GRIN2B: variants seen among roughly 807,000 people sequenced by gnomAD.
GRIN2B encodes the protein glutamate ionotropic receptor NMDA type subunit 2B, also known as glutamate receptor ionotropic, NMDA 2B.
Under a neutral mutation model 114.5 loss-of-function variants are expected in GRIN2B, and 5 were observed. That is an observed-to-expected ratio of 0.04 (90% CI 0.02 to 0.09). The LOEUF is 0.09. GRIN2B is among the 10% of genes least tolerant of loss of function. The pLI is 1.00. For missense variants in GRIN2B, 1,108 were observed against 1,943.5 expected (o/e 0.57, Z 8.08); for synonymous variants, 787 against 745.1 (o/e 1.06, Z -0.92).
intron 2 of GRIN2B, among the ~76,000 whole-genome samples, chr12:13,919,570 T>C (rs746195065): frequency 5.9e-5 from 9 of 152,102 alleles, no homozygotes; most frequent in Non-Finnish European, 7.4e-5. Context: ...CTTAATAATA[T>C]CTCTAAAAAT....
intron 10 of GRIN2B, among the ~76,000 whole-genome samples, chr12:13,580,105 G>A (rs1266510071): frequency 6.6e-6 from 1 of 152,228 alleles, no homozygotes; most frequent in African/African-American, 2.4e-5. Context: ...CCTAAATACT[G>A]ATGGTGTCAA....
chr12:13,605,513 C>A lies in GRIN2B; in HGVS notation c.2010+3090G>T, dbSNP rs149790803. Among the ~76,000 whole-genome samples the A allele has an allele frequency of 2.6e-3, 236 of 92,544 alleles. 4 individuals carry two copies. The highest frequency in any genetic ancestry group is 0.012 in the Middle Eastern group (2 of 168). 60.7% of individuals were successfully genotyped at this position (92,544 alleles called of 152,430 possible). A position where few individuals can be genotyped will look rare whatever the true frequency, so the allele number is the denominator to read the frequency against. On this transcript the variant is annotated intron_variant, in intron 10 of 13. Coordinates refer to ENST00000609686, the MANE Select transcript of GRIN2B (RefSeq NM_000834.5). ...CACAGTGGAAATTATTTGCAAAGGT[C>A]TTGAAAGTCTCTCTCTCTCTCTCTC...
chr12:13,573,868 A>T (rs985572139), intron 10 of GRIN2B, among the ~76,000 whole-genome samples: 1 of 152,184 alleles, frequency 6.6e-6, no homozygotes, highest in African/African-American at 2.4e-5. Context: ...TTAAAACTAG[A>T]GTCATGCCGT....
chr12:13,672,777 C>CT (rs1387676668), intron 5 of GRIN2B, among the ~76,000 whole-genome samples: 1 of 152,114 alleles, frequency 6.6e-6, no homozygotes, highest in Non-Finnish European at 1.5e-5. Context: ...CACAGAATTC[C>CT]TTTAAACAGC....
intron 3 of GRIN2B, among the ~76,000 whole-genome samples, chr12:13,780,165 C>A (rs182536772): frequency 1.6e-4 from 25 of 152,182 alleles, no homozygotes; most frequent in Admixed American, 1.6e-3. Flanking sequence ...CCTTTCCTGG[C>A]CTAGATGGAC....
chr12:13,677,240 A>G (rs991164171), intron 4 of GRIN2B, among the ~76,000 whole-genome samples: 2 of 152,180 alleles, frequency 1.3e-5, no homozygotes, highest in African/African-American at 2.4e-5. Context: ...GGTATCTTGT[A>G]ACTGCAGTGA....
chr12:13,757,866 C>T, intron 3 of GRIN2B, among the ~76,000 whole-genome samples: 1 of 152,074 alleles, frequency 6.6e-6, no homozygotes. Flanking sequence ...TTATTATCTG[C>T]CTCAGAAAAT....
intron 2 of GRIN2B, among the ~76,000 whole-genome samples, chr12:13,970,764 TCTC>T (rs1862898344): frequency 6.6e-6 from 1 of 151,170 alleles, no homozygotes; most frequent in Admixed American, 6.6e-5. Context: ...AGGGTAGCAT[TCTC>T]CTACTCAGGA....
chr12:13,657,411 G>A (rs1949876710), intron 5 of GRIN2B, among the ~76,000 whole-genome samples: 1 of 152,226 alleles, frequency 6.6e-6, no homozygotes, highest in African/African-American at 2.4e-5. Flanking sequence ...AGCACCAGGA[G>A]ACAGATTTGT....
chr12:13,654,106 C>T (rs887241053), intron 5 of GRIN2B, among the ~76,000 whole-genome samples: 1 of 152,240 alleles, frequency 6.6e-6, no homozygotes, highest in African/African-American at 2.4e-5. Flanking sequence ...CAGAGGAATG[C>T]TGTGCCAGGG....
intron 3 of GRIN2B, among the ~76,000 whole-genome samples, chr12:13,756,634 C>G (rs905916083): frequency 1.6e-4 from 25 of 152,168 alleles, no homozygotes; most frequent in African/African-American, 6.0e-4. Flanking sequence ...TTAAGATGTA[C>G]AAGCTTGGGA....
chr12:13,886,613 C>T (rs1162125210), intron 2 of GRIN2B, among the ~76,000 whole-genome samples: 1 of 152,068 alleles, frequency 6.6e-6, no homozygotes, highest in Non-Finnish European at 1.5e-5. Flanking sequence ...GAAGCAGAAC[C>T]GAGTTCCCGC....
intron 3 of GRIN2B, among the ~76,000 whole-genome samples, chr12:13,809,702 G>A (rs891600405): frequency 1.3e-5 from 2 of 152,146 alleles, no homozygotes; most frequent in African/African-American, 4.8e-5. Context: ...TTCCTCAAAG[G>A]CAGGAATAAG....
At chr12:13,769,699 C>T (rs776665853) in intron 3 of GRIN2B, among the ~76,000 whole-genome samples, 10 of 152,222 alleles carry the variant, frequency 6.6e-5, no homozygotes, top group Non-Finnish European at 7.3e-5. Context: ...AAAACCATAT[C>T]GCCTTCACAG....
At chr12:13,868,196 A>G (rs1865855870) in intron 2 of GRIN2B, among the ~76,000 whole-genome samples, 2 of 152,010 alleles carry the variant, frequency 1.3e-5, no homozygotes, top group African/African-American at 2.4e-5. Context: ...AAATAAGATG[A>G]GTAGCTCAGT....
rs1806201 is a variant in GRIN2B, at chr12:13,564,574, G to A, written c.2664C>T (p.Thr888=). 458,987 of 1,613,394 alleles carry A rather than the reference G, an allele frequency of 0.28. 69,306 individuals are homozygous for A. Among genetic ancestry groups the A allele is most frequent in the East Asian group, 0.5 (22,260 of 44,818 alleles). The change falls in exon 14 of 14, where the codon ACC becomes ACT. Residue 888 remains threonine (T), a synonymous_variant. Coordinates refer to ENST00000609686, the MANE Select transcript of GRIN2B (RefSeq NM_000834.5). The surrounding 1 kb of genome is among the most constrained non-coding windows in gnomAD (Gnocchi z 4.8). ...EERQSVMNSP[T]ATMNNTHSNI... is the part of the protein sequence containing the mutation. ...TGGAGTGTGTGTTGTTCATGGTTGC[G>A]GTGGGGGAGTTCATTACAGACTGGC...
At chr12:13,848,143 T>G (rs1239166706) in intron 3 of GRIN2B, among the ~76,000 whole-genome samples, 1 of 152,168 alleles carries the variant, frequency 6.6e-6, no homozygotes, top group Non-Finnish European at 1.5e-5. Flanking sequence ...AACGGTGGAA[T>G]CTGTGGCCAT....
chr12:13,692,354 T>C (rs1950221725), intron 4 of GRIN2B, among the ~76,000 whole-genome samples: 1 of 152,122 alleles, frequency 6.6e-6, no homozygotes, highest in Non-Finnish European at 1.5e-5. Flanking sequence ...AAGATGTCCC[T>C]AGAGAATATA....
chr12:13,952,607 T>A (rs1867507731), intron 2 of GRIN2B, among the ~76,000 whole-genome samples: 1 of 152,166 alleles, frequency 6.6e-6, no homozygotes, highest in African/African-American at 2.4e-5. Flanking sequence ...TCTTTCTTTT[T>A]CATAGATTGT....
Sources: allele counts gnomAD v4.1 joint callset (sites outside exome capture counted in the v4.1 genomes callset), GRCh38; gene constraint gnomAD v4.1.1; non-coding constraint Gnocchi (gnomAD v3.1); transcripts MANE v1.5; gene names NCBI Gene and HGNC (gene_info 2026-07-23, HGNC 2026-07-21).